SUPV3L1: variants seen among roughly 807,000 people sequenced by gnomAD.
The protein encoded by SUPV3L1 is Suv3 like RNA helicase, also known as ATP-dependent RNA helicase SUPV3L1, mitochondrial.
In SUPV3L1, 35 loss-of-function variants were observed where a neutral mutation model predicts 70.0. That is an observed-to-expected ratio of 0.50 (90% confidence interval 0.38 to 0.66). SUPV3L1 has a LOEUF of 0.66. Among genes scored for constraint, SUPV3L1 ranks in the 30% least tolerant of loss-of-function variants. The pLI is 0.00. For synonymous variants in SUPV3L1, 364 were observed against 341.9 expected (o/e 1.06, Z -0.71); for missense variants, 777 against 961.5 (o/e 0.81, Z 2.54).
In SUPV3L1 at chr10:69,187,628, G is replaced by GT. The variant is rs1260734430; in HGVS notation, c.458-10dup. ...TGTAGATTGCACATGTTAATACAGT[G>GT]TTTTATTTTCCAGCTCATGCGGATG... On this transcript the variant is annotated splice_polypyrimidine_tract_variant and intron_variant, in intron 3 of 14. Transcript: ENST00000359655. The GT allele has an allele frequency of 6.3e-5, 98 of 1,556,260 alleles. No homozygotes were observed. The highest frequency in any genetic ancestry group is 8.4e-5 in the Non-Finnish European group (95 of 1,137,658).
At chr10:69,203,418 CT>C (rs1348768937) in intron 13 of SUPV3L1, among the ~76,000 whole-genome samples, 1 of 152,132 alleles carries the variant, frequency 6.6e-6, no homozygotes, top group Non-Finnish European at 1.5e-5. Context: ...AATCCCAGCA[CT>C]TTGGGAGGCC....
chr10:69,207,828 C>T lies in SUPV3L1; in HGVS notation c.1812C>T (p.Thr604=). The change falls in exon 14 of 15, where the codon ACC becomes ACT. Residue 604 remains threonine (T), a synonymous_variant. Transcript: ENST00000359655. The stretch of plus-strand genomic sequence containing the variant: ...AGTATAGCAGGAATGAGCCCCTGAC[C>T]TTTGCATGGTTACGCCGATACATCA... ...ARQYSRNEPL[T]FAWLRRYIKW... is the part of the protein sequence containing the mutation. The T allele has an allele frequency of 1.9e-6, 3 of 1,614,048 alleles. No homozygotes were observed. Among genetic ancestry groups the T allele is most frequent in the Non-Finnish European group, 2.5e-6 (3 of 1,180,000 alleles).
rs147259875 is a variant in SUPV3L1 at position 69,204,225 on chromosome 10, C to T, written c.1776+1182C>T. Among the ~76,000 whole-genome samples, 63 of 152,138 alleles carry T rather than the reference C, an allele frequency of 4.1e-4. 1 individual carries two copies. The East Asian group carries it at 0.011, about 27-fold the overall frequency. On this transcript the variant is annotated intron_variant, in intron 13 of 14. Transcript: ENST00000359655. ...GGAAGCGGTTCAGAACTGTATGTAC[C>T]TTATAAACATAACATGTTCTCTCAC...
chr10:69,188,419 A>G (rs1842295636), intron 4 of SUPV3L1, among the ~76,000 whole-genome samples: 2 of 152,080 alleles, frequency 1.3e-5, no homozygotes, highest in African/African-American at 2.4e-5. Context: ...CTTTTCTTTC[A>G]AGGATTGCAG....
chr10:69,197,199 C>A, intron 8 of SUPV3L1, 116 bp downstream of exon 8: 1 of 788,858 alleles, frequency 1.3e-6, no homozygotes, highest in Non-Finnish European at 2.1e-6. Context: ...AAAAAGAAAG[C>A]TTCATTTTCT....
intron 11 of SUPV3L1, among the ~76,000 whole-genome samples, chr10:69,200,932 T>A (rs1218139730): frequency 3.9e-5 from 6 of 152,234 alleles, no homozygotes; most frequent in Non-Finnish European, 7.3e-5. Context: ...AGGAGAAGGT[T>A]AAATTTTGGT....
chr10:69,188,412 T>C (rs910865617), intron 4 of SUPV3L1, among the ~76,000 whole-genome samples: 4 of 152,202 alleles, frequency 2.6e-5, no homozygotes, highest in Non-Finnish European at 5.9e-5. Flanking sequence ...AAGTGTTCTT[T>C]TCTTTCAAGG....
intron 13 of SUPV3L1, among the ~76,000 whole-genome samples, chr10:69,205,880 GCTTTTC>G (rs1289638842): frequency 2.0e-5 from 3 of 152,248 alleles, no homozygotes; most frequent in African/African-American, 7.2e-5. Context: ...AAATCTAGAG[GCTTTTC>G]CTTTTTTCCT....
At position 69,206,823 on chromosome 10, in the gene SUPV3L1, A is replaced by G. The variant is rs1422698212; in HGVS notation, c.1777-970A>G. Reference sequence around the variant, plus strand: ...GGAGTTTGAGACCAGCCTGACCAACATGATGAAACCCCGTCTGCACTAAAA... The same window carrying G: ...GGAGTTTGAGACCAGCCTGACCAACGTGATGAAACCCCGTCTGCACTAAAA... On this transcript the variant is annotated intron_variant, in intron 13 of 14. Transcript: ENST00000359655. Among the ~76,000 whole-genome samples, 3 of 152,200 alleles carry G rather than the reference A, an allele frequency of 2.0e-5. No homozygotes were observed. The East Asian group carries it at 5.8e-4, about 29-fold the overall frequency.
chr10:69,198,693 AAAT>A, intron 9 of SUPV3L1, 141 bp downstream of exon 9: 1 of 762,316 alleles, frequency 1.3e-6, no homozygotes, highest in Non-Finnish European at 2.0e-6. Context: ...CATATAAAAT[AAAT>A]AATTTTCTAT....
intron 13 of SUPV3L1, among the ~76,000 whole-genome samples, chr10:69,204,704 C>T (rs1045397413): frequency 6.6e-6 from 1 of 151,926 alleles, no homozygotes; most frequent in Non-Finnish European, 1.5e-5. Flanking sequence ...TTTTTCATTG[C>T]GTTTGCCTAT....
intron 5 of SUPV3L1, among the ~76,000 whole-genome samples, chr10:69,190,631 A>C (rs1433061465): frequency 6.6e-6 from 1 of 152,160 alleles, no homozygotes; most frequent in East Asian, 1.9e-4. Flanking sequence ...ATTACACCCC[A>C]TCCTCCACCC....
At chr10:69,186,403 A>G (rs1842234595) in intron 2 of SUPV3L1, 40 bp from the exon 3 acceptor site, 3 of 1,468,288 alleles carry the variant, frequency 2.0e-6, no homozygotes, top group Non-Finnish European at 2.9e-6. Context: ...TTTTAAAATG[A>G]GAACTACACC....
chr10:69,191,855 G>A (rs954502273), intron 6 of SUPV3L1, 89 bp downstream of exon 6: 3 of 925,254 alleles, frequency 3.2e-6, no homozygotes, highest in African/African-American at 1.7e-5. Context: ...TGTCCAGGCT[G>A]GAATGCAATG....
chr10:69,204,167 T>C (rs1437082118), intron 13 of SUPV3L1, among the ~76,000 whole-genome samples: 1 of 152,256 alleles, frequency 6.6e-6, no homozygotes, highest in Non-Finnish European at 1.5e-5. Flanking sequence ...TGAAGAAATC[T>C]ACATAAGTGG....
In SUPV3L1 at chr10:69,180,403, G is replaced by C. The variant is rs1195140151; in HGVS notation, c.112G>C (p.Val38Leu). ...TCCCCACTTTGGGCCCTTTCCCGGG[G>C]TTCTGGGGCAAGTTTCTGTCCTTGC... ...LRPHFGPFPG[V>L]LGQVSVLATA... Residue 38 changes from valine to leucine, a missense_variant, in exon 1 of 15, where the codon GTT becomes CTT. Transcript: ENST00000359655. 1 of 1,614,264 alleles carries C rather than the reference G, an allele frequency of 6.2e-7. No individual in the cohort carries two copies. Among genetic ancestry groups the C allele is most frequent in the Non-Finnish European group, 8.5e-7 (1 of 1,180,048 alleles).
Position 69,200,416 on chromosome 10 carries a change from AAAG to A in SUPV3L1, c.1439_1441del (p.Glu480del). 5 of 1,614,188 alleles carry A rather than the reference AAAG, an allele frequency of 3.1e-6. No individual in the cohort carries two copies. Among genetic ancestry groups the A allele is most frequent in the Non-Finnish European group, 4.2e-6 (5 of 1,180,036 alleles). On this transcript the variant is annotated inframe_deletion, in exon 11 of 15. Coordinates refer to ENST00000359655, the MANE Select transcript of SUPV3L1 (RefSeq NM_003171.5). Reference sequence around the variant, plus strand: ...AGCTGGCAGATTCAGCTCACGGTTTAAAGAAGGAGAGGTTACAACAATGAATCA... The same window carrying A: ...AGCTGGCAGATTCAGCTCACGGTTTAAAGGAGAGGTTACAACAATGAATCA...
At position 69,198,455 on chromosome 10, in the gene SUPV3L1, C is replaced by T; in HGVS notation, c.1107C>T (p.Cys369=). ...TAGATAACCTTCGGCCTGGGGACTG[C>T]ATTGTCTGTTTTAGCAAGAATGATA... is the stretch of plus-strand genomic sequence containing the variant. ...ESLDNLRPGD[C]IVCFSKNDIY... is the part of the protein sequence containing the mutation. The change falls in exon 9 of 15, where the codon TGC becomes TGT. Residue 369 remains cysteine (C), a synonymous_variant. Coordinates refer to ENST00000359655, the MANE Select transcript of SUPV3L1 (RefSeq NM_003171.5). 1 of 1,614,004 alleles carries T rather than the reference C, an allele frequency of 6.2e-7. No homozygotes were observed. The highest frequency in any genetic ancestry group is 8.5e-7 in the Non-Finnish European group (1 of 1,179,960).
At chr10:69,182,959 C>G (rs1029440965) in intron 1 of SUPV3L1, among the ~76,000 whole-genome samples, 4 of 152,162 alleles carry the variant, frequency 2.6e-5, no homozygotes, top group Non-Finnish European at 5.9e-5. Context: ...CTCACTAATT[C>G]AGTATTCCTC....
Sources: gnomAD v4.1 joint callset for allele counts (sites outside exome capture counted in the v4.1 genomes callset) on GRCh38, gnomAD v4.1.1 for gene constraint, MANE v1.5 for transcripts, NCBI Gene and HGNC (gene_info 2026-07-23, HGNC 2026-07-21) for gene names.